Variants in ACTN2 observed in about 807,000 individuals in gnomAD.
ACTN2 encodes the protein alpha-actinin-2.
ACTN2 carries 39 observed loss-of-function variants against 113.8 expected under a neutral mutation model. That is an observed-to-expected ratio of 0.34 (90% CI 0.27 to 0.45). ACTN2 has a LOEUF of 0.45. Among genes scored for constraint, ACTN2 ranks in the 20% least tolerant of loss-of-function variants. The pLI, the probability that ACTN2 is intolerant of heterozygous loss-of-function variation, is 1.00. For missense variants in ACTN2, 992 were observed against 1,177.9 expected (o/e 0.84, Z 2.31); for synonymous variants, 429 against 444.1 (o/e 0.97, Z 0.43).
At chr1:236,755,948 C>T (rs1659545995) in intron 17 of ACTN2, among the ~76,000 whole-genome samples, 1 of 31,628 alleles carries the variant, frequency 3.2e-5, no homozygotes, top group Non-Finnish European at 5.7e-5. Context: ...GGGCCCGCTG[C>T]CACCGTTAGA....
chr1:236,757,773 G>T, intron 18 of ACTN2, 141 bp downstream of exon 18: 2 of 1,203,060 alleles, frequency 1.7e-6, no homozygotes, highest in Non-Finnish European at 1.2e-6. Context: ...AAAGAAAATA[G>T]CCACCAAAAC....
At chr1:236,708,128 A>G (rs1315479465) in intron 1 of ACTN2, among the ~76,000 whole-genome samples, 1 of 151,954 alleles carries the variant, frequency 6.6e-6, no homozygotes, top group Non-Finnish European at 1.5e-5. Flanking sequence ...GTGTTTTTTT[A>G]GGGATTGCTG....
chr1:236,712,340 T>A (rs12403616), intron 1 of ACTN2, among the ~76,000 whole-genome samples: 1 of 152,084 alleles, frequency 6.6e-6, no homozygotes, highest in Admixed American at 6.5e-5. Flanking sequence ...CTGGGCTCTT[T>A]ATAAGCTATT....
Position 236,720,174 on chromosome 1 carries a change from A to T in ACTN2, c.431A>T (p.Gln144Leu), listed in dbSNP as rs1572114671. Reference protein sequence around the residue: ...IWTIILRFAIQDISVEETSAK... With the variant: ...IWTIILRFAILDISVEETSAK... ...ACCATCATCCTTCGCTTTGCTATTC[A>T]GGATATTTCGGTTGAAGGTAAAAGA... Residue 144 changes from glutamine to leucine, a missense_variant, in exon 4 of 21, where the codon CAG becomes CTG. Around this residue, in one of 3 missense-constraint regions of ACTN2, gnomAD observed 220 missense variants for 337.5 expected, o/e 0.65. Coordinates refer to ENST00000366578, the MANE Select transcript of ACTN2 (RefSeq NM_001103.4). 14 of 1,613,448 alleles carry T rather than the reference A, an allele frequency of 8.7e-6. No homozygotes were observed. The highest frequency in any genetic ancestry group is 1.2e-5 in the Non-Finnish European group (14 of 1,179,358).
At chr1:236,716,397 C>G (rs796683752) in intron 1 of ACTN2, among the ~76,000 whole-genome samples, 34 of 152,286 alleles carry the variant, frequency 2.2e-4, no homozygotes, top group African/African-American at 7.9e-4. Flanking sequence ...TAGCCAGCAG[C>G]TGCCAGAAAC....
intron 7 of ACTN2, among the ~76,000 whole-genome samples, chr1:236,732,999 C>G (rs819642): frequency 0.46 from 70,407 of 152,016 alleles, 17,141 homozygotes; most frequent in Middle Eastern, 0.61. Flanking sequence ...GTATTATTGG[C>G]TATTAATACT....
chr1:236,737,172 G>A lies in ACTN2; in HGVS notation c.834G>A (p.Glu278=), dbSNP rs1658904821. The A allele has an allele frequency of 5.6e-6, 9 of 1,607,344 alleles. No homozygotes were observed. In the South Asian group the frequency reaches 7.7e-5, roughly 14 times the overall value. ...RICKVLAVNQ[E]NERLMEEYER... is the part of the protein sequence containing the mutation. ...GTAAGGTTCTTGCTGTGAATCAAGA[G>A]AATGAGAGGCTGATGGAAGAATATG... is the stretch of plus-strand genomic sequence containing the variant. Residue 278 remains glutamate (E), a synonymous_variant, in exon 9 of 21, where the codon GAG becomes GAA. Coordinates refer to ENST00000366578, the MANE Select transcript of ACTN2 (RefSeq NM_001103.4).
At position 236,761,143 on chromosome 1, in the gene ACTN2, C is replaced by T. The variant is rs189019392; in HGVS notation, c.2496C>T (p.Ile832=). 1.4e-5 allele frequency: 22 copies of T among 1,614,164 alleles called. No individual in the cohort carries two copies. In the East Asian group the frequency reaches 2.0e-4, roughly 15 times the overall value. Residue 832 remains isoleucine (I), a synonymous_variant, in exon 20 of 21, where the codon ATC becomes ATT. Coordinates refer to ENST00000366578, the MANE Select transcript of ACTN2 (RefSeq NM_001103.4). ...ACACCGACACTGCCGAGCAGGTCAT[C>T]GCCTCCTTCCGGATCCTGGCTTCTG... ...TADTDTAEQV[I]ASFRILASDK...
chr1:236,725,096 G>T (rs1483528325), intron 4 of ACTN2, among the ~76,000 whole-genome samples: 1 of 152,092 alleles, frequency 6.6e-6, no homozygotes, highest in East Asian at 1.9e-4. Context: ...TTTCAGGATT[G>T]TGTACAGTAA....
intron 2 of ACTN2, among the ~76,000 whole-genome samples, chr1:236,718,274 G>A (rs34397827): frequency 1.3e-5 from 2 of 152,226 alleles, no homozygotes; most frequent in East Asian, 1.9e-4. Flanking sequence ...TCTACTCTTC[G>A]TCCAGCTAGA....
intron 4 of ACTN2, among the ~76,000 whole-genome samples, chr1:236,721,033 T>TTG (rs1553300398): frequency 2.5e-4 from 27 of 108,832 alleles, no homozygotes; most frequent in African/African-American, 8.5e-4. Context: ...TTTTTTTTTT[T>TTG]TTTTTTTTTT....
chr1:236,716,835 A>ATTT (rs36142948), intron 1 of ACTN2, among the ~76,000 whole-genome samples: 14,869 of 116,280 alleles, frequency 0.13, 1,997 homozygotes, highest in African/African-American at 0.21. Context: ...CATTTTGAAC[A>ATTT]TTTTTTTTTT....
intron 1 of ACTN2, among the ~76,000 whole-genome samples, chr1:236,694,914 A>T (rs927783336): frequency 6.6e-6 from 1 of 152,000 alleles, no homozygotes; most frequent in African/African-American, 2.4e-5. Flanking sequence ...AAAAAATTTA[A>T]AAATTAGCCG....
At chr1:236,734,631 G>T (rs750619501) in intron 7 of ACTN2, 3 of 714,098 alleles carry the variant, frequency 4.2e-6, no homozygotes, top group Non-Finnish European at 6.7e-6. Context: ...AGACTGTCTG[G>T]TTCCCAGGAG....
At chr1:236,728,943 A>AT (rs1228419468) in intron 6 of ACTN2, among the ~76,000 whole-genome samples, 2 of 151,888 alleles carry the variant, frequency 1.3e-5, no homozygotes, top group Non-Finnish European at 1.5e-5. Flanking sequence ...AAAGATATCA[A>AT]TGTCCTTTCT....
At chr1:236,734,389 G>A (rs774342577) in intron 7 of ACTN2, 11 of 1,380,638 alleles carry the variant, frequency 8.0e-6, no homozygotes, top group Non-Finnish European at 9.9e-6. Flanking sequence ...GAAGCCTGCT[G>A]GTATTAGAAC....
At chr1:236,719,965 G>A (rs2102896317) in intron 3 of ACTN2, 140 bp from the exon 4 acceptor site, 1 of 677,536 alleles carries the variant, frequency 1.5e-6, no homozygotes, top group South Asian at 1.7e-5. Flanking sequence ...ACATACTGCG[G>A]TGCTTATAAA....
At chr1:236,723,260 A>G (rs1658453962) in intron 4 of ACTN2, among the ~76,000 whole-genome samples, 1 of 152,168 alleles carries the variant, frequency 6.6e-6, no homozygotes, top group Non-Finnish European at 1.5e-5. Context: ...GGAGTTCCAG[A>G]TTTCAATGTC....
intron 18 of ACTN2, among the ~76,000 whole-genome samples, chr1:236,758,303 A>ATTTTTTTTTTTTTTTTTTTTTTTTTTTT (rs1349813845): frequency 1.5e-5 from 2 of 136,008 alleles, no homozygotes; most frequent in African/African-American, 6.4e-5. Flanking sequence ...TTTTTTTTTA[A>ATTTTTTTTTTTTTTTTTTTTTTTTTTTT]TGAGACGGAG....
Sources: gnomAD v4.1 joint callset for allele counts (sites outside exome capture counted in the v4.1 genomes callset) on GRCh38, gnomAD v4.1.1 for gene constraint, gnomAD v4.1.1 regional missense constraint, MANE v1.5 for transcripts, NCBI Gene and HGNC (gene_info 2026-07-23, HGNC 2026-07-21) for gene names.